Variants in SAMMSON observed in about 807,000 individuals in gnomAD.
SAMMSON encodes the protein survival associated mitochondrial melanoma specific oncogenic non-coding RNA.
chr3:70,099,738 G>A (rs1008646081), intron 4 of SAMMSON, among the ~76,000 whole-genome samples: 13 of 152,074 alleles, frequency 8.5e-5, no homozygotes, highest in African/African-American at 2.7e-4. Context: ...TGGCAAATAC[G>A]TCTCATTCTT....
rs2106717310 is a variant in SAMMSON, at chr3:70,321,726, T to G, written n.739+30483T>G. Among the ~76,000 whole-genome samples the G allele has an allele frequency of 2.6e-5, 4 of 152,136 alleles. No homozygotes were observed. The Middle Eastern group carries it at 0.014, about 517-fold the overall frequency. On this transcript the variant is annotated intron_variant and non_coding_transcript_variant, in intron 7 of 9. Coordinates refer to ENST00000642114, the Ensembl canonical transcript of SAMMSON. ...AGGATCAACTTTACCTTTAAAAAAC[T>G]AGCTGACATCCAGATAGAGTTTTTT...
intron 9 of SAMMSON, among the ~76,000 whole-genome samples, chr3:70,370,823 A>G (rs1283986722): frequency 1.3e-5 from 2 of 151,954 alleles, no homozygotes; most frequent in Non-Finnish European, 2.9e-5. Context: ...AGTTTAATAT[A>G]GTCCTATTTG....
At chr3:70,138,239 T>A (rs183597629) in intron 4 of SAMMSON, among the ~76,000 whole-genome samples, 131 of 152,354 alleles carry the variant, frequency 8.6e-4, no homozygotes, top group Non-Finnish European at 1.4e-3. Flanking sequence ...CATTTTTTGT[T>A]TGTTTGTGTG....
In SAMMSON at chr3:70,411,268, G is replaced by A. The variant is rs544043151; in HGVS notation, n.234-51292G>A. On this transcript the variant is annotated intron_variant and non_coding_transcript_variant, in intron 2 of 3. Coordinates refer to the SAMMSON transcript ENST00000641053. ...ATATTCTCTTTGTCAGATACAGTTA[G>A]CTTTAGATAGCTTAGATTTCAGTCT... Among the ~76,000 whole-genome samples the A allele has an allele frequency of 4.6e-5, 7 of 152,248 alleles. No homozygotes were observed. The South Asian group carries it at 1.2e-3, about 27-fold the overall frequency.
At chr3:70,155,578 T>G (rs1354126136) in intron 4 of SAMMSON, among the ~76,000 whole-genome samples, 3 of 152,104 alleles carry the variant, frequency 2.0e-5, no homozygotes, top group Non-Finnish European at 4.4e-5. Flanking sequence ...CTGAGGATGA[T>G]ATATTTTATA....
chr3:70,250,143 ATTC>A (rs1433640070), intron 6 of SAMMSON, among the ~76,000 whole-genome samples: 9 of 152,124 alleles, frequency 5.9e-5, no homozygotes, highest in Admixed American at 5.9e-4. Flanking sequence ...GTTGCTAGTT[ATTC>A]TTCTCTGTTC....
chr3:70,213,589 C>A (rs1391279646), intron 4 of SAMMSON, among the ~76,000 whole-genome samples: 1 of 152,020 alleles, frequency 6.6e-6, no homozygotes, highest in Non-Finnish European at 1.5e-5. Context: ...AAACCATTAA[C>A]AAATTATTGT....
At chr3:70,074,841 T>C (rs1386956170) in intron 4 of SAMMSON, 2 of 152,154 alleles carry the variant, frequency 1.3e-5, no homozygotes, top group Non-Finnish European at 2.9e-5. Context: ...TTGTGTGGTC[T>C]GATCAGCCTG....
intron 4 of SAMMSON, among the ~76,000 whole-genome samples, chr3:70,219,960 A>T (rs1366597762): frequency 6.6e-6 from 1 of 152,182 alleles, no homozygotes; most frequent in Non-Finnish European, 1.5e-5. Context: ...AATTTCTGAG[A>T]GTGTGCTCCA....
At chr3:70,335,146 A>G (rs1702651635) in intron 7 of SAMMSON, among the ~76,000 whole-genome samples, 1 of 151,978 alleles carries the variant, frequency 6.6e-6, no homozygotes, top group African/African-American at 2.4e-5. Flanking sequence ...CACGTAGCAC[A>G]GTGCTTGACA....
chr3:70,155,157 A>G (rs1389363921), intron 4 of SAMMSON, among the ~76,000 whole-genome samples: 2 of 151,944 alleles, frequency 1.3e-5, no homozygotes, highest in Admixed American at 1.3e-4. Context: ...AACCTCGGTC[A>G]GGTCACCTAT....
At chr3:70,327,307 TCCA>T (rs1051525578) in intron 7 of SAMMSON, among the ~76,000 whole-genome samples, 1 of 152,140 alleles carries the variant, frequency 6.6e-6, no homozygotes, top group African/African-American at 2.4e-5. Context: ...AAACATATAA[TCCA>T]CAGTAATTAG....
At chr3:70,009,318 C>G (rs1440007157) in intron 1 of SAMMSON, 1 of 151,976 alleles carries the variant, frequency 6.6e-6, no homozygotes, top group African/African-American at 2.4e-5. Context: ...AATTTCAGAG[C>G]CTGTTATTGG....
chr3:70,262,890 T>G (rs987457893), intron 6 of SAMMSON, among the ~76,000 whole-genome samples: 1 of 152,210 alleles, frequency 6.6e-6, no homozygotes, highest in African/African-American at 2.4e-5. Flanking sequence ...TCCCAATATT[T>G]TTGTCTCTGT....
chr3:70,109,624 A>G (rs926619253), intron 4 of SAMMSON, among the ~76,000 whole-genome samples: 4 of 152,152 alleles, frequency 2.6e-5, no homozygotes, highest in African/African-American at 9.7e-5. Context: ...TCTCCTGCGC[A>G]TCATATTCAC....
chr3:70,268,327 T>G (rs949192251), intron 6 of SAMMSON, among the ~76,000 whole-genome samples: 1 of 152,012 alleles, frequency 6.6e-6, no homozygotes, highest in Non-Finnish European at 1.5e-5. Context: ...TACAAAAAAT[T>G]AGCCAGGCGT....
At chr3:70,285,296 GA>G (rs1235177371) in intron 6 of SAMMSON, among the ~76,000 whole-genome samples, 2 of 147,544 alleles carry the variant, frequency 1.4e-5, no homozygotes, top group Admixed American at 1.4e-4. Context: ...CTATGAGTGA[GA>G]ATATGTGGTG....
intron 2 of SAMMSON, among the ~76,000 whole-genome samples, chr3:70,414,820 G>A (rs547344612): frequency 6.2e-4 from 95 of 152,202 alleles, no homozygotes; most frequent in African/African-American, 2.1e-3. Context: ...ATTAAAAGAT[G>A]AAATCATTTA....
In SAMMSON at chr3:70,228,741, C is replaced by A. The variant is rs1346983388; in HGVS notation, n.508-20366C>A. Among the ~76,000 whole-genome samples the A allele has an allele frequency of 5.2e-5, 7 of 133,520 alleles. No individual in the cohort carries two copies. In the East Asian group the frequency reaches 1.5e-3, roughly 29 times the overall value. The allele number at this position is 133,520 out of a possible 152,430, so 87.6% of individuals were successfully genotyped here. ...TCTTCTCATTAATTTTTTCATGAAT[C>A]TTTTTTTTTTTTTACTAACAACAGT... On this transcript the variant is annotated intron_variant and non_coding_transcript_variant, in intron 4 of 9. Coordinates refer to ENST00000642114, the Ensembl canonical transcript of SAMMSON.
Sources: allele counts gnomAD v4.1 joint callset (sites outside exome capture counted in the v4.1 genomes callset), GRCh38; gene constraint gnomAD v4.1.1; transcripts MANE v1.5; gene names NCBI Gene and HGNC (gene_info 2026-07-23, HGNC 2026-07-21).